The following UNC80 variants were observed in gnomAD, a reference collection of about 807,000 sequenced individuals.
The protein encoded by UNC80 is unc-80 subunit of NALCN channel complex.
Under a neutral mutation model 384.6 loss-of-function variants are expected in UNC80, and 164 were observed. The ratio of observed to expected loss-of-function variants is 0.43; its 90% CI spans 0.38 to 0.49. The LOEUF is 0.49. Among genes scored for constraint, UNC80 ranks in the 20% least tolerant of loss-of-function variants. The pLI, the probability that UNC80 is intolerant of heterozygous loss-of-function variation, is 0.00. For missense variants in UNC80, 3,330 were observed against 4,143.0 expected, an observed-to-expected ratio of 0.80 and a Z score of 5.39; for synonymous variants, 1,486 against 1,527.8, an observed-to-expected ratio of 0.97 and a Z score of 0.64.
chr2:209,945,874 C>T lies in UNC80; in HGVS notation c.7217C>T (p.Thr2406Ile), dbSNP rs1215230880. ...LDFCYGNEDL[T>I]FSISEAIKLC... The stretch of plus-strand genomic sequence containing the variant: ...TTCTGCTATGGAAACGAAGATCTGA[C>T]ATTTTCTATCAGTGAAGCCATTAAG... The change falls in exon 47 of 65, where the codon ACA becomes ATA. Residue 2406 changes from threonine to isoleucine, a missense_variant. By Grantham distance (89) the Thr-to-Ile change is moderately conservative. Coordinates refer to ENST00000673920, the MANE Select transcript of UNC80 (RefSeq NM_001371986.1). The T allele has an allele frequency of 1.9e-6, 3 of 1,551,890 alleles. No individual in the cohort carries two copies. The highest frequency in any genetic ancestry group is 1.4e-5 in the African/African-American group (1 of 73,156).
chr2:209,976,845 G>C lies in UNC80; in HGVS notation c.8773-68G>C, dbSNP rs773994879. 11 of 1,429,762 alleles carry C rather than the reference G, an allele frequency of 7.7e-6. No homozygotes were observed. Among genetic ancestry groups the C allele is most frequent in the Non-Finnish European group, 1.0e-5 (11 of 1,068,548 alleles). 88.6% of individuals were successfully genotyped at this position (1,429,762 alleles called of 1,614,324 possible). A position where few individuals can be genotyped will look rare whatever the true frequency, so the allele number is the denominator to read the frequency against. On this transcript the variant is annotated intron_variant, in intron 57 of 64. Coordinates refer to ENST00000673920, the MANE Select transcript of UNC80 (RefSeq NM_001371986.1). The surrounding 1 kb of genome is among the most constrained non-coding windows in gnomAD (Gnocchi z 4.3). ...ATTTATTCCTCACAACAATGAAATAGGTACAGCAATTAGCCCATTTTATGG... is the reference window on the plus strand; with the variant it reads ...ATTTATTCCTCACAACAATGAAATACGTACAGCAATTAGCCCATTTTATGG...
intron 22 of UNC80, among the ~76,000 whole-genome samples, chr2:209,850,843 C>G (rs1017231126): frequency 2.0e-5 from 3 of 151,974 alleles, no homozygotes; most frequent in African/African-American, 7.2e-5. Flanking sequence ...AGTGAGATGT[C>G]TGTCTAAAGC....
chr2:209,880,866 T>C, intron 24 of UNC80, 95 bp from the exon 25 acceptor site: 1 of 1,217,508 alleles, frequency 8.2e-7, no homozygotes, highest in Non-Finnish European at 1.2e-6. Flanking sequence ...ATATGCAATT[T>C]GATTCTATAC....
At chr2:209,780,444 G>A (rs753649195) in intron 4 of UNC80, among the ~76,000 whole-genome samples, 2 of 152,170 alleles carry the variant, frequency 1.3e-5, no homozygotes, top group Admixed American at 6.5e-5. Context: ...TGGCCACAAG[G>A]GCTTTTCTGT....
chr2:209,871,308 G>A (rs139481851), intron 22 of UNC80, among the ~76,000 whole-genome samples: 153 of 152,184 alleles, frequency 1.0e-3, no homozygotes, highest in African/African-American at 3.6e-3. Flanking sequence ...GACCTGGGTT[G>A]AATTTTATGT....
chr2:209,936,841 T>C lies in UNC80; in HGVS notation c.6274-3T>C, dbSNP rs749659189. 6.5e-7 allele frequency: 1 copy of C among 1,540,404 alleles called. No individual in the cohort carries two copies. The highest frequency in any genetic ancestry group is 1.2e-5 in the South Asian group (1 of 83,824). On this transcript the variant is annotated splice_region_variant and splice_polypyrimidine_tract_variant and intron_variant, in intron 40 of 64. Transcript: ENST00000673920. ...TTATTAAAATTTGTTGCTATTGTTCTAGGAGTGTCTGGAGTTTTTTAATAT... is the reference window on the plus strand; with the variant it reads ...TTATTAAAATTTGTTGCTATTGTTCCAGGAGTGTCTGGAGTTTTTTAATAT...
At chr2:209,925,362 G>T (rs2090348095) in intron 35 of UNC80, among the ~76,000 whole-genome samples, 1 of 152,110 alleles carries the variant, frequency 6.6e-6, no homozygotes, top group African/African-American at 2.4e-5. Context: ...CTTCAAGAAT[G>T]AAGCCGCGGA....
rs1218938237 is a variant in UNC80, at chr2:209,996,169, T to C, written c.*574T>C. The C allele has an allele frequency of 6.6e-6, 1 of 152,454 alleles. No homozygotes were observed. Among genetic ancestry groups the C allele is most frequent in the African/African-American group, 2.4e-5 (1 of 41,448 alleles). The allele number at this position is 152,454 out of a possible 1,614,324, so 9.4% of individuals were successfully genotyped here. A position where few individuals can be genotyped will look rare whatever the true frequency, so the allele number is the denominator to read the frequency against. On this transcript the variant is annotated 3_prime_UTR_variant, in exon 65 of 65. Coordinates refer to ENST00000673920, the MANE Select transcript of UNC80 (RefSeq NM_001371986.1). The stretch of plus-strand genomic sequence containing the variant: ...CATTTAGAAGAAGAAAAAAATACTA[T>C]ATAGAGAGCTGTGGACTTTTAGATA...
chr2:209,857,691 A>G (rs1221501365), intron 22 of UNC80, among the ~76,000 whole-genome samples: 1 of 152,144 alleles, frequency 6.6e-6, no homozygotes, highest in Non-Finnish European at 1.5e-5. Context: ...GAACTTAGCT[A>G]TTAATTTTCC....
At chr2:209,853,855 T>C (rs1188083715) in intron 22 of UNC80, among the ~76,000 whole-genome samples, 1 of 152,102 alleles carries the variant, frequency 6.6e-6, no homozygotes, top group Non-Finnish European at 1.5e-5. Flanking sequence ...AGACCATCCA[T>C]AGGATCATAG....
chr2:209,931,130 A>G (rs957991039), intron 38 of UNC80, 76 bp downstream of exon 38: 1 of 1,117,696 alleles, frequency 8.9e-7, no homozygotes, highest in African/African-American at 1.6e-5. Context: ...TTTTCAATAA[A>G]TTTCCATTAA....
intron 61 of UNC80, among the ~76,000 whole-genome samples, chr2:209,985,583 T>C (rs528232702): frequency 6.6e-6 from 1 of 152,228 alleles, no homozygotes; most frequent in Admixed American, 6.5e-5. Context: ...GCAAATAATG[T>C]AATGTCTTGG....
At chr2:209,930,610 G>A (rs1171626448) in intron 37 of UNC80, among the ~76,000 whole-genome samples, 1 of 151,996 alleles carries the variant, frequency 6.6e-6, no homozygotes, top group African/African-American at 2.4e-5. Flanking sequence ...TTCAACATAG[G>A]TCCTCCTCAT....
chr2:209,817,138 C>T lies in UNC80; in HGVS notation c.1552+13C>T. 2 of 1,550,272 alleles carry T rather than the reference C, an allele frequency of 1.3e-6. No individual in the cohort carries two copies. Among genetic ancestry groups the T allele is most frequent in the Non-Finnish European group, 8.7e-7 (1 of 1,146,288 alleles). On this transcript the variant is annotated intron_variant, in intron 10 of 64. Transcript: ENST00000673920. ...ACCACCATTTTAGGTGACCACAAGG[C>T]CTTCCAAAATAGGGCAGAGTTTAAG...
intron 7 of UNC80, among the ~76,000 whole-genome samples, chr2:209,812,137 C>T (rs1375971179): frequency 6.6e-6 from 1 of 152,080 alleles, no homozygotes; most frequent in Non-Finnish European, 1.5e-5. Flanking sequence ...GCAAGCTCCG[C>T]CTCCCGGGTT....
chr2:209,788,144 C>T (rs1002228795), intron 5 of UNC80, among the ~76,000 whole-genome samples: 6 of 152,084 alleles, frequency 3.9e-5, no homozygotes, highest in Non-Finnish European at 8.8e-5. Context: ...TGGCCGGGCG[C>T]GGTGGCTCAC....
intron 29 of UNC80, among the ~76,000 whole-genome samples, chr2:209,908,517 A>T (rs2088537645): frequency 6.6e-6 from 1 of 152,232 alleles, no homozygotes. Flanking sequence ...AAGCTATGTT[A>T]TAAATAGGAT....
intron 42 of UNC80, among the ~76,000 whole-genome samples, chr2:209,939,130 G>A (rs993632221): frequency 2.0e-5 from 3 of 152,168 alleles, no homozygotes; most frequent in African/African-American, 7.2e-5. Context: ...CACTGACCCT[G>A]TTAGTGAAGG....
chr2:209,895,261 G>C (rs1253983398), intron 27 of UNC80, among the ~76,000 whole-genome samples: 2 of 152,162 alleles, frequency 1.3e-5, no homozygotes, highest in Non-Finnish European at 2.9e-5. Flanking sequence ...CATTCACTTT[G>C]CCATTCAGTC....
Sources: gnomAD v4.1 joint callset for allele counts (sites outside exome capture counted in the v4.1 genomes callset) on GRCh38, gnomAD v4.1.1 for gene constraint, Gnocchi (gnomAD v3.1) non-coding constraint, MANE v1.5 for transcripts, NCBI Gene and HGNC (gene_info 2026-07-23, HGNC 2026-07-21) for gene names.